Variants in INO80 observed in about 807,000 individuals in gnomAD.
The protein encoded by INO80 is chromatin-remodeling ATPase INO80.
A neutral mutation model predicts 203.4 loss-of-function variants in INO80; 20 were observed. The observed-to-expected ratio is 0.10, with a 90% CI of 0.07 to 0.14. The LOEUF (loss-of-function observed/expected upper bound fraction) is 0.14. Among genes scored for constraint, INO80 ranks in the 10% least tolerant of loss-of-function variants. The pLI, the probability that INO80 is intolerant of heterozygous loss-of-function variation, is 1.00. For missense variants in INO80, 1,419 were observed against 1,914.4 expected (o/e 0.74, Z 4.83); for synonymous variants, 726 against 685.2 (o/e 1.06, Z -0.93).
At chr15:41,048,353 G>A (rs979734271) in intron 21 of INO80, 77 bp from the exon 22 acceptor site, 1 of 1,123,250 alleles carries the variant, frequency 8.9e-7, no homozygotes, top group Non-Finnish European at 1.3e-6. Flanking sequence ...AGGTTCCATA[G>A]CAAGTAAAAC....
At chr15:41,095,024 T>C (rs1347785008) in intron 4 of INO80, among the ~76,000 whole-genome samples, 3 of 104,028 alleles carry the variant, frequency 2.9e-5, no homozygotes, top group South Asian at 4.0e-4. Flanking sequence ...TCATTTTGTA[T>C]TGCAAATATT....
At chr15:40,986,581 C>T (rs2043736473) in intron 31 of INO80, among the ~76,000 whole-genome samples, 1 of 151,886 alleles carries the variant, frequency 6.6e-6, no homozygotes, top group South Asian at 2.1e-4. Context: ...GCCTCGGCCT[C>T]CCAAAGTGCT....
intron 16 of INO80, among the ~76,000 whole-genome samples, chr15:41,057,683 G>C (rs749413722): frequency 6.6e-6 from 1 of 150,570 alleles, no homozygotes; most frequent in African/African-American, 2.4e-5. Context: ...TGTAATCCCA[G>C]CTACTCGGGA....
intron 1 of INO80, among the ~76,000 whole-genome samples, chr15:41,108,722 T>C (rs533813289): frequency 2.0e-5 from 3 of 152,296 alleles, no homozygotes; most frequent in African/African-American, 7.2e-5. Flanking sequence ...ATAGCATTTA[T>C]TAAACATTAT....
At chr15:41,046,960 G>A (rs1048002432) in intron 23 of INO80, among the ~76,000 whole-genome samples, 7 of 148,770 alleles carry the variant, frequency 4.7e-5, no homozygotes, top group African/African-American at 7.5e-5. Flanking sequence ...TTCTTGAGAC[G>A]GAGTTTTGAA....
At chr15:41,054,289 A>G (rs906673136) in intron 18 of INO80, among the ~76,000 whole-genome samples, 1 of 152,188 alleles carries the variant, frequency 6.6e-6, no homozygotes, top group Non-Finnish European at 1.5e-5. Context: ...ATAGGGTTGT[A>G]AGTATAAGAA....
intron 24 of INO80, among the ~76,000 whole-genome samples, chr15:41,029,573 T>C (rs1286465333): frequency 6.6e-6 from 1 of 152,232 alleles, no homozygotes; most frequent in African/African-American, 2.4e-5. Context: ...TCTCTAAATG[T>C]TGAGGTCCCT....
At chr15:40,998,174 A>C (rs2043907059) in intron 28 of INO80, among the ~76,000 whole-genome samples, 1 of 151,852 alleles carries the variant, frequency 6.6e-6, no homozygotes, top group South Asian at 2.1e-4. Context: ...GGCGCTCGCC[A>C]CCACACCTGC....
At chr15:41,094,386 G>T (rs533624598) in intron 4 of INO80, among the ~76,000 whole-genome samples, 1 of 152,046 alleles carries the variant, frequency 6.6e-6, no homozygotes, top group Non-Finnish European at 1.5e-5. Context: ...CCTTCTGACC[G>T]AAATGCCGTT....
chr15:41,004,777 A>G (rs573167846), intron 28 of INO80: 2 of 152,338 alleles, frequency 1.3e-5, no homozygotes, highest in South Asian at 2.1e-4. Context: ...CAGTATTGCA[A>G]TTTGTCATAA....
chr15:41,103,871 C>G (rs893828194), intron 1 of INO80, among the ~76,000 whole-genome samples: 1 of 152,074 alleles, frequency 6.6e-6, no homozygotes, highest in African/African-American at 2.4e-5. Context: ...TTTAAAATGT[C>G]TCTTAACTTC....
chr15:41,052,046 G>T (rs2044885109), intron 19 of INO80, among the ~76,000 whole-genome samples: 1 of 152,070 alleles, frequency 6.6e-6, no homozygotes, highest in Non-Finnish European at 1.5e-5. Context: ...GGCTGAGGTG[G>T]GGGGATCCCA....
chr15:41,066,403 C>A (rs905749782), intron 14 of INO80, among the ~76,000 whole-genome samples: 11 of 152,038 alleles, frequency 7.2e-5, no homozygotes, highest in Admixed American at 2.0e-4. Context: ...GTGATCTTCC[C>A]ACCTTGGCCT....
At chr15:41,111,024 C>T (rs1229613552) in intron 1 of INO80, among the ~76,000 whole-genome samples, 1 of 152,230 alleles carries the variant, frequency 6.6e-6, no homozygotes, top group African/African-American at 2.4e-5. Context: ...GCAATGTCTA[C>T]ATTTTTGGCC....
chr15:41,033,003 A>G (rs1199328139), intron 24 of INO80, among the ~76,000 whole-genome samples: 2 of 152,140 alleles, frequency 1.3e-5, no homozygotes, highest in Non-Finnish European at 2.9e-5. Context: ...ACACCATTGC[A>G]CTCCAGCCTG....
chr15:41,016,407 A>G (rs2044211335), intron 26 of INO80, among the ~76,000 whole-genome samples, 192 bp from the exon 27 acceptor site: 1 of 152,232 alleles, frequency 6.6e-6, no homozygotes, highest in Admixed American at 6.5e-5. Flanking sequence ...GGGAAAAAAC[A>G]TCCCCAAAGG....
At chr15:41,028,212 T>A (rs2044405720) in intron 24 of INO80, among the ~76,000 whole-genome samples, 2 of 152,154 alleles carry the variant, frequency 1.3e-5, no homozygotes, top group Admixed American at 6.5e-5. Context: ...CTCAGCTCAC[T>A]GCAACCTCCA....
At position 41,058,743 on chromosome 15, in the gene INO80, A is replaced by G; in HGVS notation, c.1881T>C (p.Val627=). The stretch of plus-strand genomic sequence containing the variant: ...GCACCACCAGCTGATAGCTGGTAAT[A>G]ACCACATGGAAGGGGGCATCCTGAG... The part of the protein sequence containing the change: ...LYTQDAPFHV[V]ITSYQLVVQD... The change falls in exon 16 of 36, where the codon GTT becomes GTC. Residue 627 remains valine, a synonymous_variant. Transcript: ENST00000648947. The G allele has an allele frequency of 1.2e-6, 2 of 1,613,930 alleles. No individual in the cohort carries two copies. Among genetic ancestry groups the G allele is most frequent in the East Asian group, 2.2e-5 (1 of 44,872 alleles).
Position 40,984,443 on chromosome 15 carries a change from A to G in INO80, c.3922-91T>C. Reference sequence around the variant, plus strand: ...GGAAGAAAAGGATAACAGAACTTTTATTCTTTAGTTTATAAACTTCTCAAT... The same window carrying G: ...GGAAGAAAAGGATAACAGAACTTTTGTTCTTTAGTTTATAAACTTCTCAAT... On this transcript the variant is annotated intron_variant, in intron 32 of 35. Transcript: ENST00000648947. 20 of 1,215,516 alleles carry G rather than the reference A, an allele frequency of 1.6e-5. No individual in the cohort carries two copies. The South Asian group carries it at 2.9e-4, about 17-fold the overall frequency. The allele number at this position is 1,215,516 out of a possible 1,614,324, so 75.3% of individuals were successfully genotyped here.
Sources: gnomAD v4.1 joint callset for allele counts (sites outside exome capture counted in the v4.1 genomes callset) on GRCh38, gnomAD v4.1.1 for gene constraint, MANE v1.5 for transcripts, NCBI Gene and HGNC (gene_info 2026-07-23, HGNC 2026-07-21) for gene names.